The following ATRNL1 variants were observed in gnomAD, a reference collection of about 807,000 sequenced individuals.
The protein encoded by ATRNL1 is attractin-like protein 1.
ATRNL1 carries 95 observed loss-of-function variants against 182.7 expected under a neutral mutation model. The ratio of observed to expected loss-of-function variants is 0.52; its 90% CI spans 0.44 to 0.62. The LOEUF is 0.62. ATRNL1 is among the 20% of genes least tolerant of loss of function. The pLI, the probability that ATRNL1 is intolerant of heterozygous loss-of-function variation, is 0.00. For synonymous variants in ATRNL1, 576 were observed against 568.3 expected, an observed-to-expected ratio of 1.01 and a Z score of -0.19; for missense variants, 1,471 against 1,679.5, an observed-to-expected ratio of 0.88 and a Z score of 2.17.
rs142620950 is a variant in ATRNL1 at position 115,612,802 on chromosome 10, C to G, written c.3795+63266C>G. Among the ~76,000 whole-genome samples the G allele has an allele frequency of 3.3e-4, 51 of 152,292 alleles. 1 individual carries two copies. The highest frequency in any genetic ancestry group is 2.8e-3 in the Admixed American group (43 of 15,292). On this transcript the variant is annotated intron_variant, in intron 26 of 28. Coordinates refer to ENST00000355044, the MANE Select transcript of ATRNL1 (RefSeq NM_207303.4). ...ATGAGGGCCCTCCCTTCCTAACCTACCAGCTTAATTTTTGACACAAATGAC... is the reference window on the plus strand; with the variant it reads ...ATGAGGGCCCTCCCTTCCTAACCTAGCAGCTTAATTTTTGACACAAATGAC...
chr10:115,540,128 TAATAATA>T (rs1422369120), intron 25 of ATRNL1, among the ~76,000 whole-genome samples: 9 of 91,138 alleles, frequency 9.9e-5, no homozygotes, highest in African/African-American at 1.5e-4. Flanking sequence ...TAAAGTATAA[TAATAATA>T]AATAAATAAA....
At chr10:115,738,776 T>A (rs1215256719) in intron 27 of ATRNL1, among the ~76,000 whole-genome samples, 1 of 152,058 alleles carries the variant, frequency 6.6e-6, no homozygotes, top group East Asian at 1.9e-4. Flanking sequence ...ATATAATGTA[T>A]TACTGAAATT....
At position 115,337,097 on chromosome 10, in the gene ATRNL1, G is replaced by A. The variant is rs183890019; in HGVS notation, c.3175+2678G>A. On this transcript the variant is annotated intron_variant, in intron 19 of 28. Transcript: ENST00000355044. ...AGGCTGGTCTTAAACTCCTGACCTC[G>A]TGATCTGTCTGCCTCAGCCTCCCAA... 4.0e-5 allele frequency among the ~76,000 whole-genome samples: 6 copies of A among 151,138 alleles called. No individual in the cohort carries two copies. The East Asian group carries it at 7.8e-4, about 20-fold the overall frequency.
intron 26 of ATRNL1, among the ~76,000 whole-genome samples, chr10:115,660,652 C>T (rs1860624067): frequency 6.6e-6 from 1 of 151,996 alleles, no homozygotes. Context: ...AACAGGGTGA[C>T]AAACCTTGAT....
intron 9 of ATRNL1, among the ~76,000 whole-genome samples, chr10:115,219,640 T>C (rs1014961933): frequency 6.6e-6 from 1 of 152,232 alleles, no homozygotes; most frequent in Non-Finnish European, 1.5e-5. Context: ...TGGTGGCTCA[T>C]GCCTGTGATG....
At chr10:115,474,730 A>C (rs1848456290) in intron 24 of ATRNL1, among the ~76,000 whole-genome samples, 1 of 151,490 alleles carries the variant, frequency 6.6e-6, no homozygotes, top group Non-Finnish European at 1.5e-5. Context: ...AATTATGGAT[A>C]GTTTTCAGCA....
chr10:115,808,140 G>T (rs764074234), intron 27 of ATRNL1, among the ~76,000 whole-genome samples: 6 of 152,092 alleles, frequency 3.9e-5, no homozygotes, highest in Non-Finnish European at 8.8e-5. Flanking sequence ...TTAATAAAAT[G>T]ATTAAAATAT....
intron 27 of ATRNL1, among the ~76,000 whole-genome samples, chr10:115,777,975 A>C (rs1329300591): frequency 6.6e-6 from 1 of 152,074 alleles, no homozygotes; most frequent in Non-Finnish European, 1.5e-5. Context: ...AACATGAAAG[A>C]AACTTATTGC....
chr10:115,448,984 A>C (rs2134475592), intron 21 of ATRNL1, among the ~76,000 whole-genome samples: 1 of 152,308 alleles, frequency 6.6e-6, no homozygotes. Context: ...CAAAAAGTTG[A>C]GGAGAAGGGA....
intron 26 of ATRNL1, among the ~76,000 whole-genome samples, chr10:115,695,949 A>G (rs1555049636): frequency 6.7e-6 from 1 of 149,890 alleles, no homozygotes; most frequent in Admixed American, 6.7e-5. Context: ...CCCAGGCTGG[A>G]GTGCAGTGGC....
chr10:115,475,470 T>C (rs1293399336), intron 24 of ATRNL1, among the ~76,000 whole-genome samples: 2 of 151,422 alleles, frequency 1.3e-5, no homozygotes, highest in African/African-American at 4.8e-5. Context: ...TTCTTAATCG[T>C]TATAGTATTT....
intron 26 of ATRNL1, among the ~76,000 whole-genome samples, chr10:115,707,338 A>G (rs1555053311): frequency 1.3e-5 from 2 of 151,766 alleles, no homozygotes; most frequent in Non-Finnish European, 3.0e-5. Context: ...GTTAAAATTC[A>G]TGTTCTAAAG....
intron 26 of ATRNL1, among the ~76,000 whole-genome samples, chr10:115,611,325 A>G (rs1485391168): frequency 6.6e-6 from 1 of 152,158 alleles, no homozygotes; most frequent in Non-Finnish European, 1.5e-5. Flanking sequence ...AGCAATTTTT[A>G]TCTTACTTAT....
At chr10:115,770,337 G>T (rs2134164778) in intron 27 of ATRNL1, among the ~76,000 whole-genome samples, 1 of 152,126 alleles carries the variant, frequency 6.6e-6, no homozygotes, top group South Asian at 2.1e-4. Flanking sequence ...GAAAATAAGA[G>T]ATAACTTGAG....
At chr10:115,136,224 A>G (rs568504363) in intron 5 of ATRNL1, among the ~76,000 whole-genome samples, 1 of 152,310 alleles carries the variant, frequency 6.6e-6, no homozygotes, top group East Asian at 1.9e-4. Flanking sequence ...CATATTAAAT[A>G]TATGACTAAA....
chr10:115,709,011 T>G (rs1322758238), intron 26 of ATRNL1, among the ~76,000 whole-genome samples: 1 of 151,832 alleles, frequency 6.6e-6, no homozygotes, highest in South Asian at 2.1e-4. Flanking sequence ...ACACACATGC[T>G]TCGTTGACAA....
chr10:115,184,895 CGAA>C (rs1311690128), intron 8 of ATRNL1, among the ~76,000 whole-genome samples: 2 of 151,752 alleles, frequency 1.3e-5, no homozygotes, highest in African/African-American at 4.8e-5. Flanking sequence ...GGTTTAGATG[CGAA>C]GAAGGACTGC....
At position 115,132,343 on chromosome 10, in the gene ATRNL1, G is replaced by A. The variant is rs1404618312; in HGVS notation, c.829+2808G>A. 4.6e-5 allele frequency among the ~76,000 whole-genome samples: 7 copies of A among 152,218 alleles called. No individual in the cohort carries two copies. In the East Asian group the frequency reaches 1.3e-3, roughly 29 times the overall value. ...TCCAGTCTATCATTGATGGACATTT[G>A]GGTTGGTTCCAAGTCTTTGCTATTG... On this transcript the variant is annotated intron_variant, in intron 5 of 28. Coordinates refer to ENST00000355044, the MANE Select transcript of ATRNL1 (RefSeq NM_207303.4).
intron 19 of ATRNL1, among the ~76,000 whole-genome samples, chr10:115,346,697 G>A (rs1278303872): frequency 1.3e-5 from 2 of 151,674 alleles, no homozygotes; most frequent in Admixed American, 6.6e-5. Context: ...TTGGAGAAAT[G>A]TCTATTCAAA....
Sources: allele counts gnomAD v4.1 joint callset (sites outside exome capture counted in the v4.1 genomes callset), GRCh38; gene constraint gnomAD v4.1.1; transcripts MANE v1.5; gene names NCBI Gene and HGNC (gene_info 2026-07-23, HGNC 2026-07-21).